Variants in OLFM3 observed in about 807,000 individuals in gnomAD.
OLFM3 encodes the protein noelin-3.
OLFM3 carries 20 observed loss-of-function variants against 48.6 expected under a neutral mutation model. That is an observed-to-expected ratio of 0.41 (90% CI 0.29 to 0.60). The LOEUF (loss-of-function observed/expected upper bound fraction) is 0.60. Ranked by LOEUF, OLFM3 falls within the 20% of genes least tolerant of loss-of-function variation. The pLI is 0.28. For synonymous variants in OLFM3, 222 were observed against 198.1 expected (o/e 1.12, Z -1.01); for missense variants, 437 against 544.3 (o/e 0.80, Z 1.96).
At chr1:101,896,351 A>G (rs1236962408) in intron 1 of OLFM3, among the ~76,000 whole-genome samples, 2 of 152,272 alleles carry the variant, frequency 1.3e-5, no homozygotes, top group Admixed American at 6.5e-5. Flanking sequence ...CACATTTGCC[A>G]TGGCACTTGT....
intron 1 of OLFM3, among the ~76,000 whole-genome samples, chr1:101,956,442 T>C (rs180773263): frequency 6.6e-6 from 1 of 151,984 alleles, no homozygotes; most frequent in Admixed American, 6.6e-5. Flanking sequence ...CCATACCTTT[T>C]TCAATTCTGT....
intron 4 of OLFM3, among the ~76,000 whole-genome samples, chr1:101,806,737 A>G (rs879534572): frequency 6.6e-6 from 1 of 151,762 alleles, no homozygotes; most frequent in East Asian, 1.9e-4. Flanking sequence ...GAGATTTTAA[A>G]GGTAAATGCC....
At chr1:101,865,802 T>C (rs1053739273) in intron 1 of OLFM3, among the ~76,000 whole-genome samples, 2 of 152,182 alleles carry the variant, frequency 1.3e-5, no homozygotes, top group Non-Finnish European at 2.9e-5. Context: ...GTCAAAATTA[T>C]GTAACTATAA....
rs112822172 is a variant in OLFM3, at chr1:101,807,514, C to T, written c.593-1332G>A. On this transcript the variant is annotated intron_variant, in intron 4 of 5. Transcript: ENST00000370103. ...ATACCCAAAGCAAATCAAAGACAAA[C>T]TAACTATAACTTGAAGCTTATTTTG... Among the ~76,000 whole-genome samples, 498 of 151,794 alleles carry T rather than the reference C, an allele frequency of 3.3e-3. 1 individual carries two copies. The highest frequency in any genetic ancestry group is 0.012 in the African/African-American group (482 of 41,482).
chr1:101,830,971 A>ACAATT, intron 2 of OLFM3, 144 bp from the exon 3 acceptor site: 1 of 644,306 alleles, frequency 1.6e-6, no homozygotes, highest in Non-Finnish European at 2.6e-6. Context: ...TTTCAGAAGA[A>ACAATT]CAATTCTTCA....
chr1:101,940,533 A>G (rs1278139042), intron 1 of OLFM3, among the ~76,000 whole-genome samples: 3 of 151,482 alleles, frequency 2.0e-5, no homozygotes, highest in Non-Finnish European at 2.9e-5. Context: ...TCATCTGTCT[A>G]TCTATCTATG....
At chr1:101,882,566 T>C (rs984988745) in intron 1 of OLFM3, 1 of 151,726 alleles carries the variant, frequency 6.6e-6, no homozygotes, top group East Asian at 1.9e-4. Flanking sequence ...ACTCCTGGAA[T>C]CTGGAGAACT....
intron 1 of OLFM3, among the ~76,000 whole-genome samples, chr1:101,881,234 A>G (rs1286760976): frequency 1.2e-4 from 18 of 151,870 alleles, no homozygotes; most frequent in Non-Finnish European, 2.4e-4. Flanking sequence ...TAGCCTATTA[A>G]GTTTTTATTT....
chr1:101,907,437 C>T (rs1372153323), intron 1 of OLFM3, among the ~76,000 whole-genome samples: 4 of 152,306 alleles, frequency 2.6e-5, no homozygotes, highest in African/African-American at 7.2e-5. Context: ...GACAGCTTGA[C>T]CTTACTTGAT....
At chr1:101,951,536 C>T (rs1038778471) in intron 1 of OLFM3, among the ~76,000 whole-genome samples, 1 of 151,998 alleles carries the variant, frequency 6.6e-6, no homozygotes, top group African/African-American at 2.4e-5. Context: ...AATGATCTAC[C>T]ATCTGTAAGT....
chr1:101,968,647 C>T (rs1249757398), intron 1 of OLFM3, among the ~76,000 whole-genome samples: 1 of 151,536 alleles, frequency 6.6e-6, no homozygotes, highest in Non-Finnish European at 1.5e-5. Flanking sequence ...AGAAAACCAA[C>T]TTCTATTCCA....
At chr1:101,875,805 C>G (rs773913067) in intron 1 of OLFM3, among the ~76,000 whole-genome samples, 6 of 151,930 alleles carry the variant, frequency 3.9e-5, no homozygotes, top group Admixed American at 6.6e-5. Flanking sequence ...AGTAATCTTG[C>G]TGGAATGGCC....
At chr1:101,851,943 T>C (rs1656236255) in intron 1 of OLFM3, among the ~76,000 whole-genome samples, 1 of 152,078 alleles carries the variant, frequency 6.6e-6, no homozygotes, top group Non-Finnish European at 1.5e-5. Flanking sequence ...ACAAAATAGT[T>C]TGCTTTTCTA....
At chr1:101,861,070 AT>A (rs111966367) in intron 1 of OLFM3, among the ~76,000 whole-genome samples, 6 of 151,442 alleles carry the variant, frequency 4.0e-5, no homozygotes, top group Admixed American at 6.6e-5. Flanking sequence ...ATTTGATTAT[AT>A]TTTTTTTTGA....
intron 1 of OLFM3, among the ~76,000 whole-genome samples, chr1:101,928,239 C>T (rs952150954): frequency 1.3e-5 from 2 of 152,072 alleles, no homozygotes; most frequent in African/African-American, 4.8e-5. Flanking sequence ...GGAATACATG[C>T]CTTGGAAATA....
At chr1:101,916,866 A>G (rs1311335535) in intron 1 of OLFM3, among the ~76,000 whole-genome samples, 3 of 152,222 alleles carry the variant, frequency 2.0e-5, no homozygotes, top group Non-Finnish European at 2.9e-5. Context: ...AATTAAGCAC[A>G]TGAATTAGAT....
chr1:101,804,299 C>T lies in OLFM3; in HGVS notation c.1316G>A (p.Gly439Asp), dbSNP rs1653651732. The T allele has an allele frequency of 6.2e-7, 1 of 1,611,304 alleles. No homozygotes were observed. The highest frequency in any genetic ancestry group is 8.5e-7 in the Non-Finnish European group (1 of 1,178,362). Residue 439 changes from glycine (G) to aspartate (D), a missense_variant, in exon 6 of 6, where the codon GGC (glycine) becomes GAC (aspartate). Physicochemically the swap from Gly to Asp is moderately conservative, Grantham distance 94. This residue lies in a region of OLFM3 where 108 missense variants were observed against 135.8 expected (regional missense o/e 0.80). Transcript: ENST00000370103. The surrounding 1 kb of genome is among the most constrained non-coding windows in gnomAD (Gnocchi z 4.5). ...GGTGACATTGAACAGCACCTGGTGGCCATTGTTCCAGGCATAGAGAGCTCG... is the reference window on the plus strand; with the variant it reads ...GGTGACATTGAACAGCACCTGGTGGTCATTGTTCCAGGCATAGAGAGCTCG... ...RDRALYAWNN[G>D]HQVLFNVTLF...
intron 2 of OLFM3, among the ~76,000 whole-genome samples, chr1:101,836,594 C>CT (rs3079176): frequency 1.9e-3 from 279 of 146,416 alleles, no homozygotes; most frequent in Middle Eastern, 3.6e-3. Flanking sequence ...GAATAAGATG[C>CT]TTTTTTTTTT....
intron 1 of OLFM3, among the ~76,000 whole-genome samples, chr1:101,925,210 G>C (rs1659232872): frequency 6.6e-6 from 1 of 151,896 alleles, no homozygotes; most frequent in South Asian, 2.1e-4. Context: ...GATAATGTTA[G>C]ATAGATGGAA....
Sources: allele counts gnomAD v4.1 joint callset (sites outside exome capture counted in the v4.1 genomes callset), GRCh38; gene constraint gnomAD v4.1.1; regional missense constraint gnomAD v4.1.1; non-coding constraint Gnocchi (gnomAD v3.1); transcripts MANE v1.5; gene names NCBI Gene and HGNC (gene_info 2026-07-23, HGNC 2026-07-21).